Variants in RHBDF1 observed in about 807,000 individuals in gnomAD.
RHBDF1 encodes the protein rhomboid 5 homolog 1.
RHBDF1 carries 80 observed loss-of-function variants against 98.6 expected under a neutral mutation model. That is an observed-to-expected ratio of 0.81 (90% CI 0.68 to 0.98). The LOEUF (loss-of-function observed/expected upper bound fraction) is 0.98. Ranked by LOEUF, RHBDF1 falls within the 50% of genes least tolerant of loss-of-function variation. The pLI is 0.00. For missense variants in RHBDF1, 1,116 were observed against 1,198.3 expected, an observed-to-expected ratio of 0.93 and a Z score of 1.01; for synonymous variants, 512 against 486.8, an observed-to-expected ratio of 1.05 and a Z score of -0.68.
intron 1 of RHBDF1, among the ~76,000 whole-genome samples, chr16:68,941 T>C (rs981184585): frequency 1.3e-5 from 2 of 152,132 alleles, no homozygotes; most frequent in Admixed American, 1.3e-4. Flanking sequence ...TTGGGCCCCA[T>C]GTGTCTCCAC....
At chr16:63,882 C>T (rs749972768) in intron 3 of RHBDF1, 82 bp from the exon 4 acceptor site, 1 of 771,380 alleles carries the variant, frequency 1.3e-6, no homozygotes, top group Non-Finnish European at 1.9e-6. Context: ...TCCGGGGCAG[C>T]ATGCTGCCCC....
At chr16:69,075 C>T (rs1897904997) in intron 1 of RHBDF1, among the ~76,000 whole-genome samples, 2 of 152,240 alleles carry the variant, frequency 1.3e-5, no homozygotes, top group African/African-American at 2.4e-5. Flanking sequence ...ACTTGGCACT[C>T]TCTGAGGGGC....
chr16:60,750 G>A, intron 11 of RHBDF1: 1 of 584,370 alleles, frequency 1.7e-6, no homozygotes, highest in Non-Finnish European at 3.0e-6. Flanking sequence ...AACAACCTCT[G>A]TGTCCTAAAT....
Position 72,546 on chromosome 16 carries a change from G to A in RHBDF1, c.-58C>T. On this transcript the variant is annotated 5_prime_UTR_variant, in exon 1 of 18. Transcript: ENST00000262316. ...CCGGGGGCTCTGGGGGGTCCTGAGG[G>A]CGCCGGGGAGGAGGCTGCCGCCGCT... The A allele has an allele frequency of 1.2e-6, 1 of 834,182 alleles. No homozygotes were observed. Among genetic ancestry groups the A allele is most frequent in the Non-Finnish European group, 1.3e-6 (1 of 761,646 alleles). 51.7% of individuals were successfully genotyped at this position (834,182 alleles called of 1,614,324 possible).
chr16:61,299 GAGCGGCCGCAGTCCGGGGCCTCC>G lies in RHBDF1; in HGVS notation c.1396-41_1396-19del. 6.5e-7 allele frequency: 1 copy of G among 1,541,924 alleles called. No homozygotes were observed. On this transcript the variant is annotated intron_variant, in intron 10 of 17. Coordinates refer to ENST00000262316, the MANE Select transcript of RHBDF1 (RefSeq NM_022450.5). ...AGGGCCTCCTGCGGGCGAGGGAGAC[GAGCGGCCGCAGTCCGGGGCCTCC>G]TGCCCCCGCCGGGCACCTCCAGGTC...
intron 3 of RHBDF1, 140 bp downstream of exon 3, chr16:64,559 C>T: frequency 1.3e-6 from 2 of 1,544,678 alleles, no homozygotes; most frequent in South Asian, 1.3e-5. Flanking sequence ...AGGAGGAGGG[C>T]AAGGGGATGG....
chr16:75,249 G>T (rs779194564), upstream of RHBDF1, among the ~76,000 whole-genome samples: 13 of 152,172 alleles, frequency 8.5e-5, no homozygotes, highest in Non-Finnish European at 1.8e-4. Flanking sequence ...AATGGGTTAG[G>T]GTTAGGGTCT....
At chr16:65,112 G>C in intron 1 of RHBDF1, 73 bp from the exon 2 acceptor site, 15 of 1,452,712 alleles carry the variant, frequency 1.0e-5, no homozygotes, top group Non-Finnish European at 1.3e-5. Context: ...AGACCCGGGA[G>C]GAGGGAGAAG....
At position 61,141 on chromosome 16, in the gene RHBDF1, C is replaced by CTA; in HGVS notation, c.1535_1536insTA (p.Gln512HisfsTer16). The stretch of plus-strand genomic sequence containing the variant: ...GCACCGAGCACTCCTCCTCCGAGGT[C>CTA]TGCACGCAGCCCGACCTGTCGTTGC... On this transcript the variant is annotated frameshift_variant, in exon 11 of 18. Coordinates refer to ENST00000262316, the MANE Select transcript of RHBDF1 (RefSeq NM_022450.5). LOFTEE classifies it high-confidence loss of function. 1 of 1,536,050 alleles carries CTA rather than the reference C, an allele frequency of 6.5e-7. No homozygotes were observed. The highest frequency in any genetic ancestry group is 8.7e-7 in the Non-Finnish European group (1 of 1,144,038).
At position 63,032 on chromosome 16, in the gene RHBDF1, G is replaced by A. The variant is rs377485139; in HGVS notation, c.613C>T (p.Arg205Trp). 56 of 1,612,460 alleles carry A rather than the reference G, an allele frequency of 3.5e-5. No homozygotes were observed. Among genetic ancestry groups the A allele is most frequent in the African/African-American group, 5.3e-5 (4 of 74,928 alleles). Residue 205 changes from arginine (R) to tryptophan (W), a missense_variant, in exon 5 of 18, where the codon CGG becomes TGG. By Grantham distance (101) the Arg-to-Trp change is moderately radical. Transcript: ENST00000262316. Reference protein sequence around the residue: ...SRSGFHRLPRRRKRESVAKMS... With the variant: ...SRSGFHRLPRWRKRESVAKMS... ...TTGGCCACCGACTCTCGCTTGCGCC[G>A]CCGCGGGAGCCGGTGGAAACCTGAG...
chr16:70,463 C>T (rs575354414), intron 1 of RHBDF1, among the ~76,000 whole-genome samples: 1 of 152,314 alleles, frequency 6.6e-6, no homozygotes, highest in Non-Finnish European at 1.5e-5. Flanking sequence ...AGCAACCCTG[C>T]AACCCCCTCC....
In RHBDF1 at chr16:72,623, C is replaced by G. The variant is rs1313088123; in HGVS notation, c.-135G>C. The G allele has an allele frequency of 2.1e-6, 2 of 972,640 alleles. No individual in the cohort carries two copies. The highest frequency in any genetic ancestry group is 2.4e-6 in the Non-Finnish European group (2 of 823,766). The allele number at this position is 972,640 out of a possible 1,614,324, so 60.3% of individuals were successfully genotyped here. A position where few individuals can be genotyped will look rare whatever the true frequency, so the allele number is the denominator to read the frequency against. ...CGCCCGCCCGCCGGTCCGGCCCGCC[C>G]GGGAATGCCCTGGAGCGAGGGGCGT... On this transcript the variant is annotated 5_prime_UTR_variant, in exon 1 of 18. Coordinates refer to ENST00000262316, the MANE Select transcript of RHBDF1 (RefSeq NM_022450.5).
chr16:60,594 C>T lies in RHBDF1; in HGVS notation c.1558-55G>A, dbSNP rs539185650. 122 of 1,385,486 alleles carry T rather than the reference C, an allele frequency of 8.8e-5. No individual in the cohort carries two copies. In the African/African-American group the frequency reaches 1.6e-3, roughly 18 times the overall value. 85.8% of individuals were successfully genotyped at this position (1,385,486 alleles called of 1,614,324 possible). On this transcript the variant is annotated intron_variant, in intron 11 of 17. Coordinates refer to ENST00000262316, the MANE Select transcript of RHBDF1 (RefSeq NM_022450.5). Reference sequence around the variant, plus strand: ...AGTTGGGTCAGGGCAATGAGGGGCACGCAGGGAGTCAGGAGTCGAAGGCAA... The same window carrying T: ...AGTTGGGTCAGGGCAATGAGGGGCATGCAGGGAGTCAGGAGTCGAAGGCAA...
rs974315128 is a variant in RHBDF1, at chr16:61,805, C to T, written c.1201G>A (p.Asp401Asn). 3.1e-6 allele frequency: 5 copies of T among 1,612,580 alleles called. No individual in the cohort carries two copies. Among genetic ancestry groups the T allele is most frequent in the Non-Finnish European group, 4.2e-6 (5 of 1,179,684 alleles). Residue 401 changes from aspartate (D) to asparagine (N), a missense_variant, in exon 8 of 18, where the codon GAC (aspartate) becomes AAC (asparagine). Physicochemically the swap from Asp to Asn is conservative, Grantham distance 23 (BLOSUM62 1). Coordinates refer to ENST00000262316, the MANE Select transcript of RHBDF1 (RefSeq NM_022450.5). ...FVKRQIEDMD[D>N]HRPFFTYWLT... ...CTTGCCTGCCACGCCTACCTGTGGT[C>T]GTCCATGTCCTCGATCTGGCGCTTG...
chr16:70,931 C>G (rs1222616518), intron 1 of RHBDF1, among the ~76,000 whole-genome samples: 2 of 152,232 alleles, frequency 1.3e-5, no homozygotes, highest in African/African-American at 2.4e-5. Flanking sequence ...AAGGCAGAAG[C>G]CAAGGAATCC....
In RHBDF1 at chr16:61,120, C is replaced by G. The variant is rs1333832555; in HGVS notation, c.1557G>C (p.Ser519=). 3.3e-6 allele frequency: 5 copies of G among 1,525,516 alleles called. No individual in the cohort carries two copies. The highest frequency in any genetic ancestry group is 1.2e-5 in the South Asian group (1 of 83,636). 94.5% of individuals were successfully genotyped at this position (1,525,516 alleles called of 1,614,324 possible). A position where few individuals can be genotyped will look rare whatever the true frequency, so the allele number is the denominator to read the frequency against. Residue 519 remains serine, a splice_region_variant and synonymous_variant, in exon 11 of 18, where the codon TCG becomes TCC. Coordinates refer to ENST00000262316, the MANE Select transcript of RHBDF1 (RefSeq NM_022450.5). The part of the protein sequence containing the change: ...GCVQTSEEEC[S]STLAVWVKWP... ...GGGAGTCCCGGGCGGGGAAACGCAC[C>G]GAGCACTCCTCCTCCGAGGTCTGCA...
intron 1 of RHBDF1, among the ~76,000 whole-genome samples, chr16:67,749 C>T (rs149628802): frequency 6.6e-6 from 1 of 152,346 alleles, no homozygotes; most frequent in Non-Finnish European, 1.5e-5. Context: ...TCAGGACTGG[C>T]CTGCTCTGAA....
rs1252607987 is a variant in RHBDF1, at chr16:64,794, A to G, written c.153T>C (p.Ser51=). 1 of 1,613,822 alleles carries G rather than the reference A, an allele frequency of 6.2e-7. No homozygotes were observed. The highest frequency in any genetic ancestry group is 8.5e-7 in the Non-Finnish European group (1 of 1,179,954). The change falls in exon 3 of 18, where the codon AGT becomes AGC. Residue 51 remains serine, a synonymous_variant. Coordinates refer to ENST00000262316, the MANE Select transcript of RHBDF1 (RefSeq NM_022450.5). ...LRRQAFLRSV[S]MPAETAHISS... ...AGATGTGGGCTGTCTCGGCTGGCAT[A>G]CTCACACTCCTCAGGAAAGCCTGTC...
chr16:64,930 G>A lies in RHBDF1; in HGVS notation c.86C>T (p.Pro29Leu). ...WLKLDIPSAV[P>L]LTAEEPSFLQ... ...GAAGCTGGGCTCTTCTGCCGTCAGGGGCACCGCAGAGGGAATGTCCAGCTT... is the reference window on the plus strand; with the variant it reads ...GAAGCTGGGCTCTTCTGCCGTCAGGAGCACCGCAGAGGGAATGTCCAGCTT... The change falls in exon 2 of 18, where the codon CCC (proline) becomes CTC (leucine). Residue 29 changes from proline (P) to leucine (L), a missense_variant. Physicochemically the swap from Pro to Leu is moderately conservative, Grantham distance 98. Transcript: ENST00000262316. The A allele has an allele frequency of 1.2e-6, 2 of 1,602,360 alleles. No individual in the cohort carries two copies. The highest frequency in any genetic ancestry group is 1.7e-6 in the Non-Finnish European group (2 of 1,172,234).
Sources: gnomAD v4.1 joint callset for allele counts (sites outside exome capture counted in the v4.1 genomes callset) on GRCh38, gnomAD v4.1.1 for gene constraint, MANE v1.5 for transcripts, NCBI Gene and HGNC (gene_info 2026-07-23, HGNC 2026-07-21) for gene names.